NCOA6: variants seen among roughly 807,000 people sequenced by gnomAD.
NCOA6 encodes the protein nuclear receptor coactivator 6, also known as NRC RAP250.
NCOA6 carries 49 observed loss-of-function variants against 171.4 expected under a neutral mutation model. The ratio of observed to expected loss-of-function variants is 0.29; its 90% CI spans 0.23 to 0.36. The LOEUF is 0.36. NCOA6 is among the 10% of genes least tolerant of loss of function. NCOA6 has a pLI of 1.00. For synonymous variants in NCOA6, 910 were observed against 927.5 expected, an observed-to-expected ratio of 0.98 and a Z score of 0.34; for missense variants, 2,248 against 2,554.5, an observed-to-expected ratio of 0.88 and a Z score of 2.59.
intron 2 of NCOA6, among the ~76,000 whole-genome samples, chr20:34,783,743 C>G (rs1218497348): frequency 1.3e-5 from 2 of 152,132 alleles, no homozygotes; most frequent in Non-Finnish European, 2.9e-5. Flanking sequence ...CTGCCTCAGC[C>G]TCCCGAGTAG....
At chr20:34,773,947 T>C (rs1027669037) in intron 4 of NCOA6, among the ~76,000 whole-genome samples, 6 of 152,244 alleles carry the variant, frequency 3.9e-5, no homozygotes, top group East Asian at 3.8e-4. Flanking sequence ...GGGACACACA[T>C]GTAGCCTAAA....
intron 1 of NCOA6, among the ~76,000 whole-genome samples, chr20:34,804,831 G>A (rs2078391586): frequency 6.6e-6 from 1 of 151,954 alleles, no homozygotes; most frequent in Non-Finnish European, 1.5e-5. Context: ...TTTATTATTT[G>A]TGTTGGGAAC....
Position 34,721,274 on chromosome 20 carries a change from G to A in NCOA6, c.6149-5909C>T, listed in dbSNP as rs889926669. Among the ~76,000 whole-genome samples the A allele has an allele frequency of 1.5e-4, 14 of 95,852 alleles. No individual in the cohort carries two copies. The East Asian group carries it at 1.5e-3, about 10-fold the overall frequency. The allele number at this position is 95,852 out of a possible 152,430, so 62.9% of individuals were successfully genotyped here. On this transcript the variant is annotated intron_variant, in intron 14 of 14. Coordinates refer to ENST00000359003, the MANE Select transcript of NCOA6 (RefSeq NM_014071.5). ...AAAAAAAAAAAAAAAAAAACAACCCGCAAAACCCACAAAAGGACTGAATTC... is the reference window on the plus strand; with the variant it reads ...AAAAAAAAAAAAAAAAAAACAACCCACAAAACCCACAAAAGGACTGAATTC...
At chr20:34,745,943 A>T (rs2076288153) in intron 10 of NCOA6, among the ~76,000 whole-genome samples, 1 of 152,212 alleles carries the variant, frequency 6.6e-6, no homozygotes, top group Non-Finnish European at 1.5e-5. Flanking sequence ...GATACAACAA[A>T]GGGGGCTTCC....
At chr20:34,719,581 A>T (rs1417891438) in intron 14 of NCOA6, among the ~76,000 whole-genome samples, 9 of 151,990 alleles carry the variant, frequency 5.9e-5, no homozygotes, top group Non-Finnish European at 1.3e-4. Flanking sequence ...CAGTGAGTTC[A>T]GATCGCACCA....
chr20:34,754,589 GA>G, intron 8 of NCOA6, 132 bp downstream of exon 8: 1 of 1,102,252 alleles, frequency 9.1e-7, no homozygotes, highest in South Asian at 1.9e-5. Context: ...TGCCCTGAAA[GA>G]ATAATTATTT....
chr20:34,753,706 C>A (rs2076562146), intron 8 of NCOA6, among the ~76,000 whole-genome samples: 1 of 151,952 alleles, frequency 6.6e-6, no homozygotes, highest in Non-Finnish European at 1.5e-5. Context: ...ATTCATATAA[C>A]TCAGGAATGC....
chr20:34,768,894 G>A (rs1416906406), intron 4 of NCOA6, among the ~76,000 whole-genome samples: 2 of 152,128 alleles, frequency 1.3e-5, no homozygotes, highest in African/African-American at 4.8e-5. Flanking sequence ...TACCAATTGT[G>A]TGTGTGTGTG....
At chr20:34,802,095 AT>A (rs1177448726) in intron 1 of NCOA6, among the ~76,000 whole-genome samples, 1 of 152,222 alleles carries the variant, frequency 6.6e-6, no homozygotes, top group African/African-American at 2.4e-5. Context: ...TCAAAAAAAG[AT>A]GATAGACACA....
Position 34,757,391 on chromosome 20 carries a change from T to C in NCOA6, c.1357A>G (p.Met453Val), listed in dbSNP as rs374224513. Residue 453 changes from methionine (M) to valine (V), a missense_variant, in exon 7 of 15, where the codon ATG becomes GTG. Coordinates refer to ENST00000359003, the MANE Select transcript of NCOA6 (RefSeq NM_014071.5). Reference sequence around the variant, plus strand: ...TTATTTTGAGGTGGCCTTGGTCCCATCTGCTGCTGAGTTTGGTTAACCGTT... The same window carrying C: ...TTATTTTGAGGTGGCCTTGGTCCCACCTGCTGCTGAGTTTGGTTAACCGTT... ...SPTVNQTQQQ[M>V]GPRPPQNNPL... 1.2e-6 allele frequency: 2 copies of C among 1,613,958 alleles called. No homozygotes were observed. Among genetic ancestry groups the C allele is most frequent in the African/African-American group, 2.7e-5 (2 of 74,932 alleles).
At chr20:34,758,627 A>G (rs1432656522) in intron 6 of NCOA6, among the ~76,000 whole-genome samples, 178 bp downstream of exon 6, 2 of 152,246 alleles carry the variant, frequency 1.3e-5, no homozygotes, top group South Asian at 4.1e-4. Flanking sequence ...GAAAACAATG[A>G]GAAATTCTGA....
chr20:34,744,924 A>G (rs1250524590), intron 10 of NCOA6, among the ~76,000 whole-genome samples: 1 of 152,250 alleles, frequency 6.6e-6, no homozygotes, highest in African/African-American at 2.4e-5. Context: ...CAAAGAGGAC[A>G]GCATAGACAA....
In NCOA6 at chr20:34,757,564, T is replaced by A; in HGVS notation, c.1184A>T (p.Asn395Ile). 3 of 1,613,930 alleles carry A rather than the reference T, an allele frequency of 1.9e-6. No homozygotes were observed. The highest frequency in any genetic ancestry group is 1.7e-6 in the Non-Finnish European group (2 of 1,179,942). Residue 395 changes from asparagine (N) to isoleucine (I), a missense_variant, in exon 7 of 15, where the codon AAC becomes ATC. Asn to Ile is a moderately radical substitution (Grantham distance 149). Around this residue, in one of 7 missense-constraint regions of NCOA6, gnomAD observed 987 missense variants for 1,104.7 expected, o/e 0.89. Coordinates refer to ENST00000359003, the MANE Select transcript of NCOA6 (RefSeq NM_014071.5). ...QAHTNFPQMSNPGQFTAPQMK... is the reference protein window; with the variant it reads ...QAHTNFPQMSIPGQFTAPQMK... ...CTGAGGAGCTGTGAACTGGCCTGGG[T>A]TGCTCATCTGAGGAAAGTTTGTGTG...
chr20:34,784,057 G>A lies in NCOA6; in HGVS notation c.-49-1653C>T, dbSNP rs572833019. 2.0e-5 allele frequency among the ~76,000 whole-genome samples: 3 copies of A among 151,934 alleles called. No individual in the cohort carries two copies. The South Asian group carries it at 6.2e-4, about 32-fold the overall frequency. On this transcript the variant is annotated intron_variant, in intron 2 of 14. Coordinates refer to ENST00000359003, the MANE Select transcript of NCOA6 (RefSeq NM_014071.5). ...AGTTTCTTAAAAAAAAGATGGATAA[G>A]AAAATTAATCCCCTAAAAAGCAACT...
In NCOA6 at chr20:34,757,283, A is replaced by G. The variant is rs1192053032; in HGVS notation, c.1465T>C (p.Phe489Leu). 3.7e-6 allele frequency: 6 copies of G among 1,613,034 alleles called. No homozygotes were observed. The highest frequency in any genetic ancestry group is 1.7e-5 in the Admixed American group (1 of 59,900). ...MVQQGNVPPNFMVMQQQPPNQ... is the reference protein window; with the variant it reads ...MVQQGNVPPNLMVMQQQPPNQ... ...GGTGGTTGCTGCTGCATCACCATGA[A>G]GTTAGGTGGCACATTTCCCTGTTGA... The change falls in exon 7 of 15, where the codon TTC becomes CTC. Residue 489 changes from phenylalanine (F) to leucine (L), a missense_variant. Phe to Leu is a conservative substitution (Grantham distance 22, BLOSUM62 0). Transcript: ENST00000359003.
In NCOA6 at chr20:34,730,704, GT is replaced by G. The variant is rs1310075065; in HGVS notation, c.5999+1854del. Among the ~76,000 whole-genome samples the G allele has an allele frequency of 2.3e-4, 30 of 130,944 alleles. 1 individual carries two copies. Among genetic ancestry groups the G allele is most frequent in the African/African-American group, 8.3e-4 (29 of 35,054 alleles). The allele number at this position is 130,944 out of a possible 152,430, so 85.9% of individuals were successfully genotyped here. A position where few individuals can be genotyped will look rare whatever the true frequency, so the allele number is the denominator to read the frequency against. On this transcript the variant is annotated intron_variant, in intron 13 of 14. Coordinates refer to ENST00000359003, the MANE Select transcript of NCOA6 (RefSeq NM_014071.5). ...TTGACTATGCTATTTAATGCTCTAT[GT>G]TCTAGACTTTTTTTTTTTTTTTTTT...
chr20:34,734,855 T>G (rs1251110235), intron 12 of NCOA6, among the ~76,000 whole-genome samples: 4 of 151,706 alleles, frequency 2.6e-5, no homozygotes, highest in African/African-American at 9.7e-5. Context: ...TCCATGTTGG[T>G]CTGGGTGGTC....
At chr20:34,758,211 T>C (rs1042055173) in intron 6 of NCOA6, 107 bp from the exon 7 acceptor site, 24 of 1,382,256 alleles carry the variant, frequency 1.7e-5, no homozygotes, top group Middle Eastern at 5.2e-4. Flanking sequence ...GCTGGTACTA[T>C]TCGATAAAAT....
chr20:34,778,987 CAA>C (rs2077435377), intron 3 of NCOA6, among the ~76,000 whole-genome samples: 2 of 134,324 alleles, frequency 1.5e-5, no homozygotes, highest in Non-Finnish European at 3.2e-5. Flanking sequence ...AAAAAAAAGA[CAA>C]GACAAGACTT....
Sources: allele counts gnomAD v4.1 joint callset (sites outside exome capture counted in the v4.1 genomes callset), GRCh38; gene constraint gnomAD v4.1.1; regional missense constraint gnomAD v4.1.1; transcripts MANE v1.5; gene names NCBI Gene and HGNC (gene_info 2026-07-23, HGNC 2026-07-21).